The following RFWD3 variants were observed in gnomAD, a reference collection of about 807,000 sequenced individuals.
RFWD3 encodes the protein E3 ubiquitin-protein ligase RFWD3.
A neutral mutation model predicts 87.7 loss-of-function variants in RFWD3; 65 were observed. The ratio of observed to expected loss-of-function variants is 0.74; its 90% CI spans 0.61 to 0.91. The LOEUF is 0.91. Ranked by LOEUF, RFWD3 falls within the 40% of genes least tolerant of loss-of-function variation. RFWD3 has a pLI of 0.00. For synonymous variants in RFWD3, 433 were observed against 352.8 expected (o/e 1.23, Z -2.55); for missense variants, 1,078 against 938.5 (o/e 1.15, Z -1.94).
chr16:74,644,082 G>C (rs1020562392), intron 6 of RFWD3: 16 of 488,576 alleles, frequency 3.3e-5, no homozygotes, highest in African/African-American at 5.8e-5. Context: ...CTGTGGCGGG[G>C]GGTGGTCAGG....
chr16:74,665,139 C>G (rs975610669), intron 1 of RFWD3: 1 of 152,202 alleles, frequency 6.6e-6, no homozygotes, highest in Non-Finnish European at 1.5e-5. Flanking sequence ...AAGAGGTGGG[C>G]GGGGGAAGTG....
chr16:74,642,175 T>C (rs1433633565), intron 6 of RFWD3, among the ~76,000 whole-genome samples: 2 of 151,966 alleles, frequency 1.3e-5, no homozygotes, highest in African/African-American at 4.8e-5. Context: ...CAGGCTGGAG[T>C]GCAGTGGCGC....
At chr16:74,663,501 G>A (rs1961625309) in intron 1 of RFWD3, among the ~76,000 whole-genome samples, 1 of 152,036 alleles carries the variant, frequency 6.6e-6, no homozygotes, top group South Asian at 2.1e-4. Context: ...CTGAAGTGGT[G>A]GGGTCAGAGG....
intron 6 of RFWD3, 44 bp from the exon 7 acceptor site, chr16:74,638,014 C>T: frequency 7.4e-7 from 1 of 1,343,798 alleles, no homozygotes; most frequent in Non-Finnish European, 1.1e-6. Context: ...AGGAAGGCTA[C>T]AGAAGACTTC....
chr16:74,634,479 G>C (rs1444815346), intron 8 of RFWD3, among the ~76,000 whole-genome samples: 1 of 151,940 alleles, frequency 6.6e-6, no homozygotes, highest in Non-Finnish European at 1.5e-5. Flanking sequence ...CGATCTCCTA[G>C]GCTCAAGCGA....
At chr16:74,661,506 T>C (rs1961439182) in intron 1 of RFWD3, 55 bp from the exon 2 acceptor site, 5 of 1,375,496 alleles carry the variant, frequency 3.6e-6, no homozygotes, top group African/African-American at 1.4e-5. Context: ...ACATGCTATG[T>C]AGGTGACAGA....
intron 2 of RFWD3, among the ~76,000 whole-genome samples, chr16:74,654,137 TTTCCCCTCCTATTTGG>T (rs1960786019): frequency 6.6e-6 from 1 of 152,180 alleles, no homozygotes; most frequent in Non-Finnish European, 1.5e-5. Context: ...CAAGCAGTCA[TTTCCCCTCCTATTTGG>T]TAGTCATGTC....
In RFWD3 at chr16:74,626,429, A is replaced by G; in HGVS notation, c.2095T>C (p.Leu699=). The G allele has an allele frequency of 1.9e-6, 3 of 1,614,206 alleles. No individual in the cohort carries two copies. The highest frequency in any genetic ancestry group is 1.1e-5 in the South Asian group (1 of 91,084). The change falls in exon 12 of 13, where the codon TTG becomes CTG. Residue 699 remains leucine (L), a synonymous_variant. Transcript: ENST00000361070. ...TFFGGPTCKL[L]TKNAIFQSPE... ...CTTTGGAAAATGGCATTTTTGGTCA[A>G]TAGTTTGCAAGTAGGTCCTCCAAAA...
intron 10 of RFWD3, 131 bp from the exon 11 acceptor site, chr16:74,628,797 A>G: frequency 1.4e-6 from 1 of 695,000 alleles, no homozygotes; most frequent in Non-Finnish European, 2.4e-6. Flanking sequence ...ATCCTCTGAT[A>G]TCTGATAAAA....
chr16:74,645,842 T>G (rs746444144), intron 4 of RFWD3, among the ~76,000 whole-genome samples: 2 of 136,626 alleles, frequency 1.5e-5, no homozygotes, highest in African/African-American at 2.7e-5. Context: ...AAGTTCCGCC[T>G]CCTGGGTTCA....
chr16:74,628,034 G>A (rs1958987705), intron 11 of RFWD3, among the ~76,000 whole-genome samples: 1 of 152,190 alleles, frequency 6.6e-6, no homozygotes, highest in Non-Finnish European at 1.5e-5. Context: ...CACAGCCACT[G>A]TTGTCCATTT....
intron 2 of RFWD3, among the ~76,000 whole-genome samples, chr16:74,659,637 C>G (rs1403894380): frequency 2.6e-5 from 4 of 151,638 alleles, no homozygotes. Flanking sequence ...ATTTGCAACT[C>G]TTGTCAACAC....
intron 1 of RFWD3, among the ~76,000 whole-genome samples, chr16:74,663,193 C>A (rs931313169): frequency 6.6e-6 from 1 of 152,062 alleles, no homozygotes; most frequent in African/African-American, 2.4e-5. Flanking sequence ...CATGAGCCAC[C>A]GCGCCCGGCC....
chr16:74,647,397 CCTGCCTCAGCTTCCCGAGTAG>C (rs1287289772), intron 4 of RFWD3, among the ~76,000 whole-genome samples: 1 of 152,062 alleles, frequency 6.6e-6, no homozygotes. Context: ...AAGTGACTCT[CCTGCCTCAGCTTCCCGAGTAG>C]CTGGGACTAT....
chr16:74,639,036 CTT>C (rs564298799), intron 6 of RFWD3, among the ~76,000 whole-genome samples: 18,566 of 131,828 alleles, frequency 0.14, 1,577 homozygotes, highest in East Asian at 0.37. Context: ...TGAGCTAAGA[CTT>C]TTTTTTTTTT....
chr16:74,630,930 A>C lies in RFWD3; in HGVS notation c.1605T>G (p.Thr535=), dbSNP rs750608635. The C allele has an allele frequency of 1.2e-6, 2 of 1,612,164 alleles. No individual in the cohort carries two copies. Among genetic ancestry groups the C allele is most frequent in the East Asian group, 2.2e-5 (1 of 44,878 alleles). Residue 535 remains threonine, a synonymous_variant, in exon 10 of 13, where the codon ACT becomes ACG. Coordinates refer to ENST00000361070, the MANE Select transcript of RFWD3 (RefSeq NM_018124.4). ...TCCAGACAGGACGTCCAGCATTATA[A>C]GTCTGGACCACGGTATTTGTCTCCA... is the stretch of plus-strand genomic sequence containing the variant. ...TSLETNTVVQ[T]YNAGRPVWSC... is the part of the protein sequence containing the mutation.
chr16:74,635,615 G>T (rs962072927), intron 8 of RFWD3, among the ~76,000 whole-genome samples: 2 of 152,182 alleles, frequency 1.3e-5, no homozygotes, highest in Non-Finnish European at 2.9e-5. Context: ...TCCCAATTTG[G>T]GGAACATTAG....
chr16:74,624,132 T>G, intron 12 of RFWD3, 61 bp from the exon 13 acceptor site: 1 of 1,550,488 alleles, frequency 6.4e-7, no homozygotes, highest in Admixed American at 1.9e-5. Flanking sequence ...GGACTTCCAT[T>G]CTTCATCATC....
intron 8 of RFWD3, among the ~76,000 whole-genome samples, chr16:74,633,531 T>C (rs1002948871): frequency 6.6e-6 from 1 of 152,078 alleles, no homozygotes; most frequent in Non-Finnish European, 1.5e-5. Flanking sequence ...TATAATTCCA[T>C]TTATGTAAAA....
Sources: gnomAD v4.1 joint callset for allele counts (sites outside exome capture counted in the v4.1 genomes callset) on GRCh38, gnomAD v4.1.1 for gene constraint, MANE v1.5 for transcripts, NCBI Gene and HGNC (gene_info 2026-07-23, HGNC 2026-07-21) for gene names.